Variants in PIR observed in about 807,000 individuals in gnomAD.
PIR encodes the protein pirin.
Under a neutral mutation model 24.2 loss-of-function variants are expected in PIR, and 22 were observed. That is an observed-to-expected ratio of 0.91 (90% CI 0.65 to 1.30). PIR has a LOEUF of 1.30. Ranked by LOEUF, PIR falls within the 50% of genes most tolerant of loss-of-function variation. The pLI is 0.00. For synonymous variants in PIR, 80 were observed against 79.6 expected (o/e 1.00, Z -0.03); for missense variants, 220 against 220.3 (o/e 1.00, Z 0.01).
intron 5 of PIR, 104 bp downstream of exon 5, chrX:15,455,744 G>A (rs1210990582): frequency 2.1e-5 from 13 of 626,756 alleles, no homozygotes. Context: ...TCCATCCCAT[G>A]GGACATGAAT....
intron 5 of PIR, among the ~76,000 whole-genome samples, chrX:15,451,606 A>G (rs1327050629): frequency 4.5e-5 from 5 of 111,314 alleles, no homozygotes; most frequent in African/African-American, 1.3e-4. Flanking sequence ...TCCAGCATCC[A>G]TGTATATTTT....
intron 5 of PIR, among the ~76,000 whole-genome samples, chrX:15,448,367 G>C (rs1432908268): frequency 1.8e-5 from 2 of 112,338 alleles, no homozygotes; most frequent in African/African-American, 3.2e-5. Context: ...TCCAAGCCAA[G>C]TTTTGCACTT....
intron 5 of PIR, among the ~76,000 whole-genome samples, chrX:15,453,612 G>C (rs1920990382): frequency 8.9e-6 from 1 of 112,405 alleles, no homozygotes; most frequent in African/African-American, 3.2e-5. Flanking sequence ...TTACTTAGGA[G>C]AATATAATTC....
chrX:15,389,445 C>T lies in PIR; in HGVS notation c.760+740G>A, dbSNP rs189377999. 5.4e-5 allele frequency among the ~76,000 whole-genome samples: 6 copies of T among 111,824 alleles called. No individual in the cohort carries two copies. The East Asian group carries it at 1.4e-3, about 26-fold the overall frequency. ...GTTTATCTGCAATCATTGTGTGTAC[C>T]TGGGAATTCATGCAAGGCAGGGAAA... On this transcript the variant is annotated intron_variant, in intron 9 of 9. Coordinates refer to ENST00000380420, the MANE Select transcript of PIR (RefSeq NM_001018109.3).
intron 5 of PIR, among the ~76,000 whole-genome samples, chrX:15,453,134 AT>A (rs1339580465): frequency 9.0e-6 from 1 of 111,676 alleles, no homozygotes; most frequent in Non-Finnish European, 1.9e-5. Context: ...CCACAACGAA[AT>A]CACCAGTTGC....
At chrX:15,395,688 G>A (rs1924109508) in intron 8 of PIR, among the ~76,000 whole-genome samples, 1 of 112,530 alleles carries the variant, frequency 8.9e-6, no homozygotes, top group Non-Finnish European at 1.9e-5. Flanking sequence ...AAGCAGTAAA[G>A]CCAAGATTCA....
intron 5 of PIR, among the ~76,000 whole-genome samples, chrX:15,448,037 A>G (rs1926167245): frequency 8.9e-6 from 1 of 111,959 alleles, no homozygotes; most frequent in South Asian, 3.7e-4. Flanking sequence ...GCTTGTCGCC[A>G]CGACTGAAAT....
At chrX:15,492,634 T>A in intron 1 of PIR, among the ~76,000 whole-genome samples, 1 of 111,963 alleles carries the variant, frequency 8.9e-6, no homozygotes, top group East Asian at 2.8e-4. Context: ...ATATCAGCTG[T>A]GTGACCTGAG....
intron 6 of PIR, among the ~76,000 whole-genome samples, chrX:15,409,937 A>G (rs1308119230): frequency 9.1e-6 from 1 of 110,344 alleles, no homozygotes; most frequent in Non-Finnish European, 1.9e-5. Flanking sequence ...TTTATGCACT[A>G]TAAGTTATTT....
At chrX:15,425,853 T>C in intron 6 of PIR, 53 bp downstream of exon 6, 1 of 751,066 alleles carries the variant, frequency 1.3e-6, no homozygotes, top group Non-Finnish European at 2.0e-6. Flanking sequence ...GTTGGTTTTT[T>C]CTTTTCTTTT....
At chrX:15,406,676 T>C (rs1356667374) in intron 7 of PIR, among the ~76,000 whole-genome samples, 3 of 111,451 alleles carry the variant, frequency 2.7e-5, no homozygotes, top group African/African-American at 9.8e-5. Context: ...TTTCTCCCAG[T>C]GCTACCAAGA....
At chrX:15,462,992 T>C (rs1306755147) in intron 3 of PIR, among the ~76,000 whole-genome samples, 2 of 111,150 alleles carry the variant, frequency 1.8e-5, no homozygotes, top group African/African-American at 6.6e-5. Context: ...ACTGGTAGAG[T>C]TGAAAGTAGA....
At chrX:15,424,778 C>T (rs1925250937) in intron 6 of PIR, among the ~76,000 whole-genome samples, 1 of 112,003 alleles carries the variant, frequency 8.9e-6, no homozygotes, top group Non-Finnish European at 1.9e-5. Context: ...GGAGGATCAA[C>T]TTAAGGCCAG....
chrX:15,414,839 A>G (rs1270468011), intron 6 of PIR, among the ~76,000 whole-genome samples: 2 of 111,383 alleles, frequency 1.8e-5, no homozygotes, highest in African/African-American at 6.5e-5. Context: ...GCCCCTGTAA[A>G]ATATGAAAAA....
chrX:15,438,299 C>T (rs1469053572), intron 5 of PIR, among the ~76,000 whole-genome samples: 1 of 112,249 alleles, frequency 8.9e-6, no homozygotes, highest in Non-Finnish European at 1.9e-5. Flanking sequence ...GACAGATGGG[C>T]CAAGGTTTTC....
chrX:15,425,421 T>TTTTTTTC (rs1925276250), intron 6 of PIR, among the ~76,000 whole-genome samples: 1 of 102,479 alleles, frequency 9.8e-6, no homozygotes. Flanking sequence ...CTTTTTTTTT[T>TTTTTTTC]TTTTTTTTGA....
At chrX:15,414,455 A>G (rs979082512) in intron 6 of PIR, among the ~76,000 whole-genome samples, 2 of 112,592 alleles carry the variant, frequency 1.8e-5, no homozygotes, top group Non-Finnish European at 3.8e-5. Context: ...AATTCAAATA[A>G]TGTAGACATA....
chrX:15,462,368 T>C (rs1246736889), intron 3 of PIR, among the ~76,000 whole-genome samples: 5 of 112,282 alleles, frequency 4.5e-5, no homozygotes. Flanking sequence ...ACATCCATTT[T>C]GTATGCATTT....
At chrX:15,459,022 T>C (rs1180878608) in intron 4 of PIR, among the ~76,000 whole-genome samples, 1 of 112,530 alleles carries the variant, frequency 8.9e-6, no homozygotes, top group Non-Finnish European at 1.9e-5. Context: ...AACATATACA[T>C]ATAAAATCCC....
Sources: gnomAD v4.1 joint callset for allele counts (sites outside exome capture counted in the v4.1 genomes callset) on GRCh38, gnomAD v4.1.1 for gene constraint, MANE v1.5 for transcripts, NCBI Gene and HGNC (gene_info 2026-07-23, HGNC 2026-07-21) for gene names.